The following RYR2 variants were observed in gnomAD, a reference collection of about 807,000 sequenced individuals.
RYR2 encodes the protein ryanodine receptor 2.
In RYR2, 227 loss-of-function variants were observed where a neutral mutation model predicts 601.1. That is an observed-to-expected ratio of 0.38 (90% CI 0.34 to 0.42). The LOEUF is 0.42. Ranked by LOEUF, RYR2 falls within the 10% of genes least tolerant of loss-of-function variation. The pLI is 1.00. For synonymous variants in RYR2, 2,223 were observed against 2,175.1 expected (o/e 1.02, Z -0.61); for missense variants, 4,646 against 6,156.5 (o/e 0.75, Z 8.21).
chr1:237,640,978 G>C lies in RYR2; in HGVS notation c.7197G>C (p.Leu2399Phe). The C allele has an allele frequency of 6.2e-7, 1 of 1,612,650 alleles. No homozygotes were observed. The highest frequency in any genetic ancestry group is 8.5e-7 in the Non-Finnish European group (1 of 1,179,314). ...TCTATTCAGCTTTGATTGACCTCTT[G>C]GGACGCTGTGCTCCTGAGATGCATG... ...MTFYSALIDL[L>F]GRCAPEMHLI... Residue 2399 changes from leucine (L) to phenylalanine (F), a missense_variant, in exon 47 of 105, where the codon TTG (leucine) becomes TTC (phenylalanine). Transcript: ENST00000366574.
intron 3 of RYR2, among the ~76,000 whole-genome samples, chr1:237,337,583 T>C (rs1201157686): frequency 6.6e-6 from 1 of 152,126 alleles, no homozygotes; most frequent in Non-Finnish European, 1.5e-5. Flanking sequence ...GTGGGGAAAA[T>C]AATAGCATCT....
intron 101 of RYR2, 41 bp from the exon 102 acceptor site, chr1:237,828,340 T>C: frequency 7.2e-7 from 1 of 1,395,438 alleles, no homozygotes; most frequent in South Asian, 1.3e-5. Context: ...GAATTATTCA[T>C]TGCTTGATAA....
intron 1 of RYR2, among the ~76,000 whole-genome samples, chr1:237,241,147 A>G (rs550271894): frequency 5.9e-4 from 90 of 152,320 alleles, no homozygotes; most frequent in African/African-American, 2.1e-3. Flanking sequence ...CACACAGGAC[A>G]TAGTTTGAAT....
chr1:237,368,917 G>A (rs1157989956), intron 5 of RYR2, among the ~76,000 whole-genome samples: 2 of 151,864 alleles, frequency 1.3e-5, no homozygotes, highest in Non-Finnish European at 2.9e-5. Flanking sequence ...TCCACCTCCC[G>A]GGTTCAAGCA....
At position 237,042,317 on chromosome 1, in the gene RYR2, C is replaced by G; in HGVS notation, c.-205C>G. ...CCGCACAGTGCGGAGCAGGGAGGCCCCGCGCCTCGACCACCCGCGCCCGAG... is the reference window on the plus strand; with the variant it reads ...CCGCACAGTGCGGAGCAGGGAGGCCGCGCGCCTCGACCACCCGCGCCCGAG... On this transcript the variant is annotated 5_prime_UTR_variant, in exon 1 of 105. Coordinates refer to ENST00000366574, the MANE Select transcript of RYR2 (RefSeq NM_001035.3). 1 of 281,538 alleles carries G rather than the reference C, an allele frequency of 3.6e-6. No individual in the cohort carries two copies. The highest frequency in any genetic ancestry group is 7.8e-5 in the East Asian group (1 of 12,860). The allele number at this position is 281,538 out of a possible 1,614,324, so 17.4% of individuals were successfully genotyped here.
At chr1:237,541,305 C>A (rs898218066) in intron 25 of RYR2, among the ~76,000 whole-genome samples, 5 of 152,088 alleles carry the variant, frequency 3.3e-5, no homozygotes, top group African/African-American at 1.2e-4. Context: ...TAAATTAATT[C>A]TAGTTTGTTT....
intron 1 of RYR2, among the ~76,000 whole-genome samples, chr1:237,045,405 A>C (rs952866408): frequency 1.3e-5 from 2 of 152,254 alleles, no homozygotes; most frequent in African/African-American, 4.8e-5. Context: ...TCTCTCTGGC[A>C]TCTCTGTTCC....
chr1:237,102,153 C>G (rs950441828), intron 1 of RYR2, among the ~76,000 whole-genome samples: 2 of 152,000 alleles, frequency 1.3e-5, no homozygotes, highest in Admixed American at 1.3e-4. Context: ...CTGAGATGAG[C>G]CCCTAGGAAG....
chr1:237,500,471 G>A (rs549929098), intron 20 of RYR2, among the ~76,000 whole-genome samples: 1 of 152,204 alleles, frequency 6.6e-6, no homozygotes, highest in Non-Finnish European at 1.5e-5. Context: ...ACATGCAGAA[G>A]TTTCTGTGTA....
At chr1:237,289,355 T>C (rs1691961465) in intron 2 of RYR2, among the ~76,000 whole-genome samples, 1 of 152,152 alleles carries the variant, frequency 6.6e-6, no homozygotes, top group African/African-American at 2.4e-5. Flanking sequence ...ATTAGTCCTT[T>C]CTCATGCTGC....
chr1:237,469,256 GACAA>G, intron 17 of RYR2, 69 bp downstream of exon 17: 16 of 50,888 alleles, frequency 3.1e-4, no homozygotes, highest in South Asian at 1.3e-3. Flanking sequence ...TATCCTTTAA[GACAA>G]AAAAAAAAAA....
chr1:237,395,353 T>C (rs1702727473), intron 10 of RYR2, among the ~76,000 whole-genome samples: 1 of 152,152 alleles, frequency 6.6e-6, no homozygotes, highest in Non-Finnish European at 1.5e-5. Flanking sequence ...AGCTTTGCTT[T>C]TCTCTAATTA....
chr1:237,572,438 A>G (rs1010127157), intron 29 of RYR2, among the ~76,000 whole-genome samples: 2 of 152,208 alleles, frequency 1.3e-5, no homozygotes, highest in African/African-American at 2.4e-5. Context: ...TGTTCATGGT[A>G]CCACACAGTC....
intron 1 of RYR2, among the ~76,000 whole-genome samples, chr1:237,077,893 A>T (rs1453869796): frequency 1.7e-5 from 2 of 117,396 alleles, no homozygotes; most frequent in Admixed American, 9.6e-5. Flanking sequence ...TCTCCTCAGC[A>T]AATGTAAAAG....
intron 100 of RYR2, among the ~76,000 whole-genome samples, chr1:237,812,638 T>A (rs1661369653): frequency 2.0e-5 from 3 of 152,164 alleles, no homozygotes; most frequent in Admixed American, 6.5e-5. Context: ...CGGACATAGA[T>A]CAAGTGCCTT....
At chr1:237,702,773 G>A (rs1243350149) in intron 66 of RYR2, among the ~76,000 whole-genome samples, 3 of 151,966 alleles carry the variant, frequency 2.0e-5, no homozygotes, top group Non-Finnish European at 4.4e-5. Context: ...AACGGAATTT[G>A]CAGGGGAATA....
At chr1:237,608,107 GTGTGAATGGAATATT>G (rs1677352558) in intron 35 of RYR2, among the ~76,000 whole-genome samples, 1 of 152,148 alleles carries the variant, frequency 6.6e-6, no homozygotes, top group Admixed American at 6.6e-5. Context: ...TCATCTTTGA[GTGTGAATGGAATATT>G]TGAGGGCAGA....
At chr1:237,217,701 TGTTTG>T (rs1683344158) in intron 1 of RYR2, among the ~76,000 whole-genome samples, 1 of 71,722 alleles carries the variant, frequency 1.4e-5, no homozygotes. Context: ...GAAGTAGTTG[TGTTTG>T]TGTCCTGTGA....
chr1:237,657,035 A>T (rs1683311819), intron 53 of RYR2, among the ~76,000 whole-genome samples: 1 of 152,216 alleles, frequency 6.6e-6, no homozygotes, highest in Non-Finnish European at 1.5e-5. Flanking sequence ...GAACAATATC[A>T]TGGTTTTGGT....
Sources: gnomAD v4.1 joint callset for allele counts (sites outside exome capture counted in the v4.1 genomes callset) on GRCh38, gnomAD v4.1.1 for gene constraint, MANE v1.5 for transcripts, NCBI Gene and HGNC (gene_info 2026-07-23, HGNC 2026-07-21) for gene names.